GRIA4: variants seen among roughly 807,000 people sequenced by gnomAD.
GRIA4 encodes glutamate ionotropic receptor AMPA type subunit 4.
In GRIA4, 34 loss-of-function variants were observed where a neutral mutation model predicts 104.0. The ratio of observed to expected loss-of-function variants is 0.33; its 90% CI spans 0.25 to 0.44. GRIA4 has a LOEUF of 0.44. Ranked by LOEUF, GRIA4 falls within the 20% of genes least tolerant of loss-of-function variation. GRIA4 has a pLI of 1.00. For missense variants in GRIA4, 750 were observed against 1,096.5 expected (o/e 0.68, Z 4.46); for synonymous variants, 386 against 381.9 (o/e 1.01, Z -0.13).
At chr11:105,975,824 C>T (rs376078478) in intron 16 of GRIA4, among the ~76,000 whole-genome samples, 4 of 152,036 alleles carry the variant, frequency 2.6e-5, no homozygotes, top group South Asian at 4.1e-4. Context: ...AGAGCCAATG[C>T]CATCCCTTTT....
intron 4 of GRIA4, among the ~76,000 whole-genome samples, chr11:105,771,887 A>C (rs562185034): frequency 1.3e-3 from 205 of 152,172 alleles, no homozygotes; most frequent in African/African-American, 4.6e-3. Flanking sequence ...ACTACAATAA[A>C]ATATATATAA....
At chr11:105,792,434 T>C (rs1942254509) in intron 4 of GRIA4, among the ~76,000 whole-genome samples, 1 of 152,146 alleles carries the variant, frequency 6.6e-6, no homozygotes, top group Non-Finnish European at 1.5e-5. Flanking sequence ...TCACACCTTA[T>C]AATTAAAATT....
At chr11:105,648,623 G>C (rs986121397) in intron 3 of GRIA4, among the ~76,000 whole-genome samples, 1 of 151,686 alleles carries the variant, frequency 6.6e-6, no homozygotes, top group Non-Finnish European at 1.5e-5. Context: ...GGAAGGGAAG[G>C]ATGCAGAGAA....
chr11:105,882,159 A>G (rs913856233), intron 5 of GRIA4, among the ~76,000 whole-genome samples: 9 of 152,206 alleles, frequency 5.9e-5, no homozygotes, highest in Non-Finnish European at 8.8e-5. Flanking sequence ...AGTTGTCAGT[A>G]TCATGGCCCT....
chr11:105,921,455 T>A (rs1010431699), intron 11 of GRIA4, among the ~76,000 whole-genome samples: 1 of 152,012 alleles, frequency 6.6e-6, no homozygotes, highest in African/African-American at 2.4e-5. Flanking sequence ...TACTGAGAGG[T>A]CATGAAACAA....
intron 5 of GRIA4, among the ~76,000 whole-genome samples, chr11:105,881,077 A>G (rs1319923015): frequency 6.6e-6 from 1 of 152,168 alleles, no homozygotes; most frequent in East Asian, 1.9e-4. Flanking sequence ...TGAAAGATGC[A>G]TTTATCAAGC....
rs118153627 is a variant in GRIA4 at position 105,786,966 on chromosome 11, C to T, written c.487+33746C>T. ...CAACACTCACCCCCATGGAGACAGG[C>T]ATTGTTCTCTGACTCTCCCAGCTTC... is the stretch of plus-strand genomic sequence containing the variant. On this transcript the variant is annotated intron_variant, in intron 4 of 16. Coordinates refer to ENST00000282499, the MANE Select transcript of GRIA4 (RefSeq NM_000829.4). Among the ~76,000 whole-genome samples, 296 of 152,258 alleles carry T rather than the reference C, an allele frequency of 1.9e-3. 1 individual carries two copies. In the East Asian group the frequency reaches 0.028, roughly 15 times the overall value.
At chr11:105,847,563 C>T (rs911187808) in intron 4 of GRIA4, among the ~76,000 whole-genome samples, 4 of 152,044 alleles carry the variant, frequency 2.6e-5, no homozygotes, top group African/African-American at 4.8e-5. Context: ...TTTTTTGTTA[C>T]TCACTGAATC....
At chr11:105,616,141 T>C (rs1300091212) in intron 3 of GRIA4, among the ~76,000 whole-genome samples, 1 of 151,752 alleles carries the variant, frequency 6.6e-6, no homozygotes, top group Non-Finnish European at 1.5e-5. Flanking sequence ...TAAAACTTTT[T>C]AAACTTTGAT....
rs186214591 is a variant in GRIA4 at position 105,858,227 on chromosome 11, T to G, written c.488-3797T>G. Among the ~76,000 whole-genome samples the G allele has an allele frequency of 7.2e-5, 11 of 152,320 alleles. No individual in the cohort carries two copies. The East Asian group carries it at 2.1e-3, about 29-fold the overall frequency. On this transcript the variant is annotated intron_variant, in intron 4 of 16. Coordinates refer to ENST00000282499, the MANE Select transcript of GRIA4 (RefSeq NM_000829.4). ...AAAATTATTTTCATTACTTTGAATT[T>G]ATTTATATAATGCTGTGTATTTTGC...
intron 3 of GRIA4, chr11:105,614,526 A>G (rs1171581132): frequency 6.6e-6 from 1 of 152,054 alleles, no homozygotes; most frequent in Non-Finnish European, 1.5e-5. Context: ...TCCTTAACAT[A>G]TAAGGATTGA....
In GRIA4 at chr11:105,682,918, G is replaced by A. The variant is rs539243339; in HGVS notation, c.248-70063G>A. Reference sequence around the variant, plus strand: ...AGCAATGACAAAACCTTCTCCCATCGTGTAAAAATATCCCTTAAGCCATCT... The same window carrying A: ...AGCAATGACAAAACCTTCTCCCATCATGTAAAAATATCCCTTAAGCCATCT... On this transcript the variant is annotated intron_variant, in intron 3 of 16. Coordinates refer to ENST00000282499, the MANE Select transcript of GRIA4 (RefSeq NM_000829.4). Among the ~76,000 whole-genome samples the A allele has an allele frequency of 3.9e-5, 6 of 152,116 alleles. No individual in the cohort carries two copies. The East Asian group carries it at 7.7e-4, about 20-fold the overall frequency.
At chr11:105,860,285 GA>G (rs1288788033) in intron 4 of GRIA4, among the ~76,000 whole-genome samples, 89 of 152,114 alleles carry the variant, frequency 5.9e-4, no homozygotes, top group African/African-American at 2.0e-3. Flanking sequence ...GTAATGTTTG[GA>G]ACTCTGACAT....
Position 105,799,213 on chromosome 11 carries a change from G to A in GRIA4, c.487+45993G>A, listed in dbSNP as rs559106638. On this transcript the variant is annotated intron_variant, in intron 4 of 16. Coordinates refer to ENST00000282499, the MANE Select transcript of GRIA4 (RefSeq NM_000829.4). ...GTTTTAAGGGAAGAGTGATCAGTGT[G>A]GTCAAATGCTAAGGAATGGCCACTG... is the stretch of plus-strand genomic sequence containing the variant. 1.2e-4 allele frequency among the ~76,000 whole-genome samples: 19 copies of A among 152,182 alleles called. 1 individual carries two copies. In the South Asian group the frequency reaches 3.9e-3, roughly 32 times the overall value.
intron 14 of GRIA4, among the ~76,000 whole-genome samples, chr11:105,969,743 GC>G: frequency 6.6e-6 from 1 of 152,284 alleles, no homozygotes; most frequent in African/African-American, 2.4e-5. Flanking sequence ...TGGGGAGCTT[GC>G]CTGGGGACCT....
intron 3 of GRIA4, among the ~76,000 whole-genome samples, chr11:105,660,980 T>G (rs898316071): frequency 4.6e-5 from 7 of 151,614 alleles, no homozygotes; most frequent in Non-Finnish European, 1.0e-4. Flanking sequence ...AAAGTATGTG[T>G]TCTTAACCTT....
intron 4 of GRIA4, among the ~76,000 whole-genome samples, chr11:105,755,391 T>C (rs1338970591): frequency 6.6e-6 from 1 of 152,160 alleles, no homozygotes; most frequent in Non-Finnish European, 1.5e-5. Context: ...CATTTTTCTT[T>C]TGGGTTCTCA....
chr11:105,623,599 T>G (rs1212769817), intron 3 of GRIA4, among the ~76,000 whole-genome samples: 1 of 152,026 alleles, frequency 6.6e-6, no homozygotes, highest in African/African-American at 2.4e-5. Flanking sequence ...TCCCTTTTAT[T>G]GGACTCCTCC....
intron 4 of GRIA4, among the ~76,000 whole-genome samples, chr11:105,764,903 A>C (rs1940860463): frequency 6.6e-6 from 1 of 152,182 alleles, no homozygotes; most frequent in African/African-American, 2.4e-5. Flanking sequence ...CATGGGAACA[A>C]GGTAGATTTA....
Sources: allele counts gnomAD v4.1 joint callset (sites outside exome capture counted in the v4.1 genomes callset), GRCh38; gene constraint gnomAD v4.1.1; transcripts MANE v1.5; gene names NCBI Gene and HGNC (gene_info 2026-07-23, HGNC 2026-07-21).